Variants in FAM107B observed in about 807,000 individuals in gnomAD.
FAM107B encodes the protein protein FAM107B.
Under a neutral mutation model 31.5 loss-of-function variants are expected in FAM107B, and 21 were observed. The observed-to-expected ratio is 0.67, with a 90% CI of 0.47 to 0.96. FAM107B has a LOEUF of 0.96. Among genes scored for constraint, FAM107B ranks in the 40% least tolerant of loss-of-function variants. The probability of loss-of-function intolerance (pLI) is 0.00; values close to 1 mark genes in which losing one functional copy is unlikely to be tolerated. For synonymous variants in FAM107B, 157 were observed against 141.5 expected, an observed-to-expected ratio of 1.11 and a Z score of -0.78; for missense variants, 452 against 377.1, an observed-to-expected ratio of 1.20 and a Z score of -1.64.
intron 2 of FAM107B, among the ~76,000 whole-genome samples, chr10:14,617,819 TG>T (rs1320061431): frequency 6.7e-6 from 1 of 148,758 alleles, no homozygotes; most frequent in Non-Finnish European, 1.5e-5. Context: ...CTAATTACCA[TG>T]GTGGCGCATG....
chr10:14,559,867 C>A (rs781302098), intron 2 of FAM107B, among the ~76,000 whole-genome samples: 21 of 152,076 alleles, frequency 1.4e-4, no homozygotes, highest in Admixed American at 9.2e-4. Context: ...CCGCGCCCGG[C>A]CTCTCAGAGG....
intron 1 of FAM107B, among the ~76,000 whole-genome samples, chr10:14,689,563 A>C (rs1408929372): frequency 6.6e-6 from 1 of 152,126 alleles, no homozygotes; most frequent in Non-Finnish European, 1.5e-5. Flanking sequence ...CTTCTCAGGG[A>C]ATAGGACACA....
intron 3 of FAM107B, among the ~76,000 whole-genome samples, chr10:14,526,839 AAT>A (rs1564523582): frequency 1.3e-5 from 2 of 149,406 alleles, no homozygotes; most frequent in Non-Finnish European, 1.5e-5. Context: ...CAGAAATATT[AAT>A]TTTTTTTTTT....
chr10:14,687,251 T>G (rs775412057), intron 1 of FAM107B, among the ~76,000 whole-genome samples: 2 of 152,200 alleles, frequency 1.3e-5, no homozygotes, highest in African/African-American at 2.4e-5. Context: ...AAATCCACAC[T>G]TCCCCGGGCT....
At chr10:14,661,184 C>G (rs966741972) in intron 2 of FAM107B, among the ~76,000 whole-genome samples, 2 of 152,190 alleles carry the variant, frequency 1.3e-5, no homozygotes, top group African/African-American at 4.8e-5. Context: ...AACCTCTTTT[C>G]TTTATAAATT....
rs1227724453 is a variant in FAM107B at position 14,519,920 on chromosome 10, C to T, written c.*1270G>A. On this transcript the variant is annotated 3_prime_UTR_variant, in exon 5 of 5. Coordinates refer to ENST00000181796, the MANE Select transcript of FAM107B (RefSeq NM_031453.4). ...AAACTAATTTTGCATGAGAATGCGG[C>T]TGCTGTCTGTAACTCGGCCCCCTCT... 1 of 152,630 alleles carries T rather than the reference C, an allele frequency of 6.6e-6. No individual in the cohort carries two copies. The highest frequency in any genetic ancestry group is 1.5e-5 in the Non-Finnish European group (1 of 68,036). The allele number at this position is 152,630 out of a possible 1,614,324, so 9.5% of individuals were successfully genotyped here.
At chr10:14,754,772 G>A (rs555127652) in intron 1 of FAM107B, among the ~76,000 whole-genome samples, 1 of 152,334 alleles carries the variant, frequency 6.6e-6, no homozygotes, top group Non-Finnish European at 1.5e-5. Flanking sequence ...CCTGTAAGAT[G>A]CAGATGCACC....
At chr10:14,635,554 T>A (rs1394447049) in intron 2 of FAM107B, among the ~76,000 whole-genome samples, 3 of 152,138 alleles carry the variant, frequency 2.0e-5, no homozygotes, top group African/African-American at 7.2e-5. Flanking sequence ...ACTCAAAATG[T>A]CAGTTGCACA....
chr10:14,528,197 T>G (rs1426873916), intron 3 of FAM107B, among the ~76,000 whole-genome samples: 1 of 139,754 alleles, frequency 7.2e-6, no homozygotes, highest in East Asian at 2.0e-4. Flanking sequence ...TTTTTTTTTT[T>G]TAGAGACAGA....
At chr10:14,725,857 G>C (rs1488174661) in intron 1 of FAM107B, among the ~76,000 whole-genome samples, 1 of 99,496 alleles carries the variant, frequency 1.0e-5, no homozygotes, top group Non-Finnish European at 1.8e-5. Flanking sequence ...ATGGAGTCTT[G>C]CTCTGTTGCC....
chr10:14,713,612 G>C (rs908268149), intron 1 of FAM107B, among the ~76,000 whole-genome samples: 3 of 152,150 alleles, frequency 2.0e-5, no homozygotes, highest in African/African-American at 4.8e-5. Context: ...AAAACATCAG[G>C]GTTCATGGTT....
chr10:14,754,071 TG>T (rs1295583336), intron 1 of FAM107B, among the ~76,000 whole-genome samples: 5 of 151,890 alleles, frequency 3.3e-5, no homozygotes, highest in African/African-American at 1.2e-4. Flanking sequence ...CCCTAGCAGC[TG>T]GGATTACAGG....
intron 2 of FAM107B, among the ~76,000 whole-genome samples, chr10:14,574,253 T>C (rs538718552): frequency 3.8e-4 from 58 of 152,360 alleles, no homozygotes; most frequent in African/African-American, 1.4e-3. Flanking sequence ...GAGTGAACTG[T>C]TACTCTTTAC....
chr10:14,591,531 T>C (rs10737087), intron 2 of FAM107B, among the ~76,000 whole-genome samples: 110,979 of 152,146 alleles, frequency 0.73, 41,844 homozygotes, highest in Admixed American at 0.83. Context: ...TCTCATCTCA[T>C]GCTCACTGCC....
intron 2 of FAM107B, among the ~76,000 whole-genome samples, chr10:14,606,819 C>T (rs1436034691): frequency 6.6e-6 from 1 of 152,204 alleles, no homozygotes; most frequent in East Asian, 1.9e-4. Flanking sequence ...AGAGAGGCCT[C>T]ACCAGAAACC....
intron 2 of FAM107B, among the ~76,000 whole-genome samples, chr10:14,622,856 T>A (rs1564603906): frequency 6.6e-6 from 1 of 152,244 alleles, no homozygotes; most frequent in South Asian, 2.1e-4. Flanking sequence ...ATCTTCTGAT[T>A]GGAGTTCCCT....
intron 2 of FAM107B, among the ~76,000 whole-genome samples, chr10:14,591,540 C>A (rs1157130054): frequency 2.0e-5 from 3 of 152,156 alleles, no homozygotes; most frequent in Non-Finnish European, 4.4e-5. Flanking sequence ...ATGCTCACTG[C>A]CATCTCATTA....
intron 2 of FAM107B, among the ~76,000 whole-genome samples, chr10:14,586,508 A>G (rs921376268): frequency 1.1e-4 from 16 of 152,198 alleles, no homozygotes; most frequent in African/African-American, 3.9e-4. Flanking sequence ...ATTAAGTCAT[A>G]GAAGTGGAGC....
chr10:14,566,753 G>A (rs1850701193), intron 2 of FAM107B, among the ~76,000 whole-genome samples: 2 of 152,272 alleles, frequency 1.3e-5, no homozygotes, highest in African/African-American at 2.4e-5. Context: ...GTCACTGAAA[G>A]AGGAGAGTTC....
Sources: allele counts gnomAD v4.1 joint callset (sites outside exome capture counted in the v4.1 genomes callset), GRCh38; gene constraint gnomAD v4.1.1; transcripts MANE v1.5; gene names NCBI Gene and HGNC (gene_info 2026-07-23, HGNC 2026-07-21).